The following ZNF536 variants were observed in gnomAD, a reference collection of about 807,000 sequenced individuals.
ZNF536 encodes the protein zinc finger protein 536.
Under a neutral mutation model 84.5 loss-of-function variants are expected in ZNF536, and 13 were observed. The observed-to-expected ratio is 0.15, with a 90% confidence interval of 0.10 to 0.24. The LOEUF is 0.24. Among genes scored for constraint, ZNF536 ranks in the 10% least tolerant of loss-of-function variants. The pLI is 1.00. For missense variants in ZNF536, 1,536 were observed against 1,747.5 expected, an observed-to-expected ratio of 0.88 and a Z score of 2.16; for synonymous variants, 811 against 742.5, an observed-to-expected ratio of 1.09 and a Z score of -1.50.
intron 1 of ZNF536, among the ~76,000 whole-genome samples, chr19:30,629,976 TC>T (rs753967464): frequency 7.2e-5 from 11 of 152,202 alleles, no homozygotes; most frequent in Non-Finnish European, 1.5e-4. Context: ...GCAGCTCCAC[TC>T]CCTTGTTTCT....
Position 30,324,101 on chromosome 19 carries a change from C to T in ZNF536, c.-119-28267C>T, listed in dbSNP as rs144983782. ...ATCCATCATCTATTCATCCATCTAT[C>T]ATCCATCATCATCCATCTGTCCATC... On this transcript the variant is annotated intron_variant, in intron 2 of 5. Transcript: ENST00000585628. 8.0e-3 allele frequency among the ~76,000 whole-genome samples: 1,216 copies of T among 151,934 alleles called. 57 individuals carry two copies. The highest frequency in any genetic ancestry group is 0.064 in the Admixed American group (977 of 15,244).
intron 1 of ZNF536, among the ~76,000 whole-genome samples, chr19:30,605,388 C>T (rs2047834622): frequency 6.6e-6 from 1 of 152,096 alleles, no homozygotes; most frequent in South Asian, 2.1e-4. Flanking sequence ...ACTCTTATGC[C>T]TTTGCATCCT....
At chr19:30,634,849 T>A (rs2049009236) in intron 1 of ZNF536, among the ~76,000 whole-genome samples, 1 of 152,020 alleles carries the variant, frequency 6.6e-6, no homozygotes, top group Non-Finnish European at 1.5e-5. Flanking sequence ...ATGAGTAGAT[T>A]ACGTGTCAGT....
intron 2 of ZNF536, among the ~76,000 whole-genome samples, chr19:30,314,893 C>T (rs1040939273): frequency 6.6e-5 from 10 of 152,124 alleles, no homozygotes; most frequent in Admixed American, 6.5e-5. Flanking sequence ...GGTACCCAGC[C>T]CCGATCCCCC....
chr19:30,583,816 G>C (rs1262273355), intron 1 of ZNF536, among the ~76,000 whole-genome samples: 1 of 152,184 alleles, frequency 6.6e-6, no homozygotes, highest in African/African-American at 2.4e-5. Flanking sequence ...ATGAACAAAT[G>C]AATGAAGTAA....
At chr19:30,298,770 G>A (rs189832484) in intron 2 of ZNF536, among the ~76,000 whole-genome samples, 31 of 152,346 alleles carry the variant, frequency 2.0e-4, no homozygotes, top group African/African-American at 7.5e-4. Flanking sequence ...AGTGGGCCTG[G>A]AATTATAGTA....
chr19:30,285,484 C>G, intron 2 of ZNF536, among the ~76,000 whole-genome samples: 1 of 152,106 alleles, frequency 6.6e-6, no homozygotes, highest in Non-Finnish European at 1.5e-5. Flanking sequence ...CTTTCTGATG[C>G]ATAATAAGGA....
chr19:30,710,281 A>T (rs1196797132), intron 1 of ZNF536, among the ~76,000 whole-genome samples: 1 of 152,138 alleles, frequency 6.6e-6, no homozygotes, highest in Non-Finnish European at 1.5e-5. Context: ...GGTGGCTTGC[A>T]CCTGTAATCT....
At chr19:30,450,656 A>G (rs1251318924) in intron 2 of ZNF536, among the ~76,000 whole-genome samples, 1 of 152,260 alleles carries the variant, frequency 6.6e-6, no homozygotes, top group Non-Finnish European at 1.5e-5. Flanking sequence ...TATTTAAAAA[A>G]TCATTTTAAA....
At chr19:30,476,012 C>T (rs1429267572) in intron 2 of ZNF536, among the ~76,000 whole-genome samples, 1 of 152,208 alleles carries the variant, frequency 6.6e-6, no homozygotes, top group East Asian at 1.9e-4. Context: ...GCAACGGAGT[C>T]GAACTCATTT....
intron 1 of ZNF536, among the ~76,000 whole-genome samples, chr19:30,629,042 T>C (rs1039139074): frequency 1.3e-5 from 2 of 152,012 alleles, no homozygotes; most frequent in Non-Finnish European, 2.9e-5. Flanking sequence ...TGCCCACACC[T>C]GTGGGAGGGA....
At chr19:30,499,260 A>AAG (rs2054851214) in intron 2 of ZNF536, among the ~76,000 whole-genome samples, 1 of 151,920 alleles carries the variant, frequency 6.6e-6, no homozygotes, top group Non-Finnish European at 1.5e-5. Context: ...AGATAAAAGA[A>AAG]GTATTTATCT....
Position 30,445,600 on chromosome 19 carries a change from T to C in ZNF536, c.2038T>C (p.Ser680Pro). 6.2e-7 allele frequency: 1 copy of C among 1,612,296 alleles called. No homozygotes were observed. Among genetic ancestry groups the C allele is most frequent in the Non-Finnish European group, 8.5e-7 (1 of 1,179,508 alleles). Residue 680 changes from serine (S) to proline (P), a missense_variant, in exon 2 of 5, where the codon TCC becomes CCC. Transcript: ENST00000355537. This position sits in a 1 kb window ranked among gnomAD's most constrained non-coding sequence, Gnocchi z 4.5. ...ERRGSGSDQESQSVSRSTTPG... is the reference protein window; with the variant it reads ...ERRGSGSDQEPQSVSRSTTPG... The stretch of plus-strand genomic sequence containing the variant: ...GCGTGGCTCGGGCAGTGACCAGGAG[T>C]CCCAGTCGGTGAGCCGCTCCACCAC...
chr19:30,559,794 G>A (rs78301564), downstream of ZNF536, among the ~76,000 whole-genome samples: 447 of 152,264 alleles, frequency 2.9e-3, 1 homozygote, highest in African/African-American at 9.9e-3. Flanking sequence ...GTATTCAGGC[G>A]TCTGCTGTTC....
At chr19:30,515,139 G>A (rs934307786) in intron 2 of ZNF536, among the ~76,000 whole-genome samples, 1 of 152,130 alleles carries the variant, frequency 6.6e-6, no homozygotes. Context: ...ACTCACACCT[G>A]TAGTCCCTGC....
At chr19:30,567,713 T>C (rs1027118593) in intron 1 of ZNF536, among the ~76,000 whole-genome samples, 1 of 152,096 alleles carries the variant, frequency 6.6e-6, no homozygotes, top group Admixed American at 6.5e-5. Context: ...GGATAATATT[T>C]ATCAACCTTA....
intron 1 of ZNF536, among the ~76,000 whole-genome samples, chr19:30,636,598 A>AT (rs1376469937): frequency 6.6e-6 from 1 of 152,070 alleles, no homozygotes; most frequent in African/African-American, 2.4e-5. Context: ...GCGATGTTGG[A>AT]TTTCCCCCAC....
intron 1 of ZNF536, among the ~76,000 whole-genome samples, chr19:30,420,242 A>G (rs2050896382): frequency 6.6e-6 from 1 of 152,236 alleles, no homozygotes; most frequent in South Asian, 2.1e-4. Context: ...TTGAGACCAA[A>G]GAAGATACTT....
intron 2 of ZNF536, among the ~76,000 whole-genome samples, chr19:30,496,593 T>G (rs1381159173): frequency 6.6e-6 from 1 of 152,172 alleles, no homozygotes; most frequent in Non-Finnish European, 1.5e-5. Context: ...AATGTCTTAT[T>G]GCATTGCTGT....
Sources: allele counts gnomAD v4.1 joint callset (sites outside exome capture counted in the v4.1 genomes callset), GRCh38; gene constraint gnomAD v4.1.1; non-coding constraint Gnocchi (gnomAD v3.1); transcripts MANE v1.5; gene names NCBI Gene and HGNC (gene_info 2026-07-23, HGNC 2026-07-21).